The following ABTB2 variants were observed in gnomAD, a reference collection of about 807,000 sequenced individuals.
ABTB2 encodes ankyrin repeat and BTB domain containing 2, also known as ankyrin repeat and BTB/POZ domain-containing protein 2.
ABTB2 carries 56 observed loss-of-function variants against 104.1 expected under a neutral mutation model. That is an observed-to-expected ratio of 0.54 (90% CI 0.43 to 0.67). ABTB2 has a LOEUF of 0.67. ABTB2 is among the 30% of genes least tolerant of loss of function. The pLI, the probability that ABTB2 is intolerant of heterozygous loss-of-function variation, is 0.00. For synonymous variants in ABTB2, 606 were observed against 608.2 expected (o/e 1.00, Z 0.05); for missense variants, 1,279 against 1,407.7 (o/e 0.91, Z 1.46).
intron 2 of ABTB2, among the ~76,000 whole-genome samples, chr11:34,199,162 T>C (rs1281520733): frequency 1.3e-5 from 2 of 152,234 alleles, no homozygotes; most frequent in African/African-American, 2.4e-5. Context: ...CAACTTCTGC[T>C]GAGGCTTGAT....
At position 34,162,636 on chromosome 11, in the gene ABTB2, C is replaced by T. The variant is rs760469840; in HGVS notation, c.2158G>A (p.Ala720Thr). 1 of 1,613,608 alleles carries T rather than the reference C, an allele frequency of 6.2e-7. No homozygotes were observed. The highest frequency in any genetic ancestry group is 8.5e-7 in the Non-Finnish European group (1 of 1,180,014). Reference protein sequence around the residue: ...SRTRTKALQEAMYYSAEHGYV... With the variant: ...SRTRTKALQETMYYSAEHGYV... ...CCGTGCTCAGCGCTGTAGTACATGGCCTCCTGTAGGGCCTTGGTGCGGGTC... is the reference window on the plus strand; with the variant it reads ...CCGTGCTCAGCGCTGTAGTACATGGTCTCCTGTAGGGCCTTGGTGCGGGTC... Residue 720 changes from alanine (A) to threonine (T), a missense_variant, in exon 10 of 17, where the codon GCC becomes ACC. Coordinates refer to ENST00000435224, the MANE Select transcript of ABTB2 (RefSeq NM_145804.3).
At chr11:34,337,650 T>C (rs1160515414) in intron 1 of ABTB2, among the ~76,000 whole-genome samples, 1 of 152,178 alleles carries the variant, frequency 6.6e-6, no homozygotes, top group Non-Finnish European at 1.5e-5. Context: ...TCCTCATTTG[T>C]AAAATGAGGA....
chr11:34,308,884 A>AAG (rs1307627713), intron 1 of ABTB2, among the ~76,000 whole-genome samples: 1 of 151,014 alleles, frequency 6.6e-6, no homozygotes, highest in African/African-American at 2.4e-5. Flanking sequence ...AAAAAAAAAA[A>AAG]AAAGAAAAGA....
At chr11:34,337,894 C>T (rs562369472) in intron 1 of ABTB2, among the ~76,000 whole-genome samples, 3 of 152,188 alleles carry the variant, frequency 2.0e-5, no homozygotes, top group Non-Finnish European at 4.4e-5. Flanking sequence ...ATCACCCTAA[C>T]CATGATCTCC....
Position 34,334,755 on chromosome 11 carries a change from T to C in ABTB2, c.883+21946A>G, listed in dbSNP as rs572894015. On this transcript the variant is annotated intron_variant, in intron 1 of 16. Coordinates refer to ENST00000435224, the MANE Select transcript of ABTB2 (RefSeq NM_145804.3). ...GCCTGTAATGTACTCCTTCAGCACA[T>C]CTTAATATTTGGGTTTTTTTTTTTT... Among the ~76,000 whole-genome samples, 91 of 114,688 alleles carry C rather than the reference T, an allele frequency of 7.9e-4. 2 individuals carry two copies. The South Asian group carries it at 0.022, about 27-fold the overall frequency. 75.2% of individuals were successfully genotyped at this position (114,688 alleles called of 152,430 possible).
chr11:34,260,575 A>T (rs1379317981), intron 1 of ABTB2, among the ~76,000 whole-genome samples: 2 of 152,216 alleles, frequency 1.3e-5, no homozygotes, highest in African/African-American at 4.8e-5. Context: ...CCTCCTTCAA[A>T]GGATAAATTG....
chr11:34,336,094 G>A (rs570901074), intron 1 of ABTB2: 8 of 308,594 alleles, frequency 2.6e-5, no homozygotes, highest in South Asian at 6.6e-5. Flanking sequence ...AGAACCTGAC[G>A]TTCCTGCCAT....
At chr11:34,264,284 G>A (rs959367150) in intron 1 of ABTB2, among the ~76,000 whole-genome samples, 1 of 152,136 alleles carries the variant, frequency 6.6e-6, no homozygotes, top group African/African-American at 2.4e-5. Flanking sequence ...TGTGAGATGG[G>A]CTCTTCAATT....
In ABTB2 at chr11:34,209,258, G is replaced by GA. The variant is rs535488891; in HGVS notation, c.884-4569dup. Among the ~76,000 whole-genome samples the GA allele has an allele frequency of 5.3e-4, 81 of 152,022 alleles. No homozygotes were observed. The East Asian group carries it at 0.016, about 29-fold the overall frequency. ...CTACTCAGGAGGCTGAGGTGAGGGA[G>GA]AATTACTTGAACCTGGTGGAGGTTG... On this transcript the variant is annotated intron_variant, in intron 1 of 16. Transcript: ENST00000435224.
intron 1 of ABTB2, among the ~76,000 whole-genome samples, chr11:34,350,394 C>G (rs1855383792): frequency 6.6e-6 from 1 of 152,208 alleles, no homozygotes; most frequent in African/African-American, 2.4e-5. Flanking sequence ...TTTAGAAGAG[C>G]ATCGCAGTGT....
At chr11:34,173,440 G>A in intron 3 of ABTB2, 133 bp from the exon 4 acceptor site, 1 of 1,149,914 alleles carries the variant, frequency 8.7e-7, no homozygotes. Context: ...GGGGCTCCCT[G>A]CTGGGCAGCA....
At chr11:34,304,109 G>A (rs186459124) in intron 1 of ABTB2, among the ~76,000 whole-genome samples, 9 of 152,106 alleles carry the variant, frequency 5.9e-5, no homozygotes, top group Non-Finnish European at 1.0e-4. Flanking sequence ...TGCTGAGGAC[G>A]GAATCATCCC....
chr11:34,277,805 T>C (rs772910520), intron 1 of ABTB2, among the ~76,000 whole-genome samples: 3,010 of 145,352 alleles, frequency 0.021, 67 homozygotes, highest in Non-Finnish European at 0.029. Context: ...TTCTCTTTTT[T>C]TTTTTTTTTT....
intron 3 of ABTB2, 35 bp from the exon 4 acceptor site, chr11:34,173,342 TG>T: frequency 6.5e-7 from 1 of 1,543,606 alleles, no homozygotes; most frequent in East Asian, 2.4e-5. Flanking sequence ...AGGCCTGGGG[TG>T]GGGTCCCTGC....
chr11:34,274,664 C>G (rs935710526), intron 1 of ABTB2, among the ~76,000 whole-genome samples: 1 of 151,194 alleles, frequency 6.6e-6, no homozygotes, highest in African/African-American at 2.4e-5. Flanking sequence ...AAGAAAAATA[C>G]AGGTCATTTT....
chr11:34,185,671 AG>A (rs1398856130), intron 3 of ABTB2, among the ~76,000 whole-genome samples: 4 of 152,124 alleles, frequency 2.6e-5, no homozygotes, highest in African/African-American at 9.7e-5. Flanking sequence ...TGGTCACTGG[AG>A]GCTGGAGTGG....
chr11:34,285,007 A>C (rs1210460781), intron 1 of ABTB2, among the ~76,000 whole-genome samples: 9 of 152,246 alleles, frequency 5.9e-5, no homozygotes, highest in Admixed American at 2.6e-4. Flanking sequence ...CTCAGTCAGC[A>C]AAAGAGGCAG....
At chr11:34,214,529 C>T (rs560368586) in intron 1 of ABTB2, among the ~76,000 whole-genome samples, 301 of 139,634 alleles carry the variant, frequency 2.2e-3, no homozygotes, top group African/African-American at 8.0e-3. Flanking sequence ...GTTAAAAATA[C>T]CACTTTTTTT....
chr11:34,327,034 CA>C (rs754975656), intron 1 of ABTB2, among the ~76,000 whole-genome samples: 26 of 152,092 alleles, frequency 1.7e-4, no homozygotes, highest in Non-Finnish European at 2.8e-4. Context: ...AAGATTGCGC[CA>C]CTACACTATA....
Sources: allele counts gnomAD v4.1 joint callset (sites outside exome capture counted in the v4.1 genomes callset), GRCh38; gene constraint gnomAD v4.1.1; transcripts MANE v1.5; gene names NCBI Gene and HGNC (gene_info 2026-07-23, HGNC 2026-07-21).